Variants in NIN observed in about 807,000 individuals in gnomAD.
NIN encodes glycogen synthase kinase 3 beta-interacting protein.
In NIN, 137 loss-of-function variants were observed where a neutral mutation model predicts 257.6. That is an observed-to-expected ratio of 0.53 (90% confidence interval 0.46 to 0.61). The LOEUF (loss-of-function observed/expected upper bound fraction) is 0.61, where lower values mean the gene tolerates loss of function less well. NIN is among the 20% of genes least tolerant of loss of function. NIN has a pLI of 0.00. For missense variants in NIN, 2,439 were observed against 2,501.2 expected (o/e 0.98, Z 0.53); for synonymous variants, 918 against 919.8 (o/e 1.00, Z 0.04).
At chr14:50,762,364 G>GCAT (rs2042306294) in intron 15 of NIN, among the ~76,000 whole-genome samples, 1 of 152,138 alleles carries the variant, frequency 6.6e-6, no homozygotes, top group Non-Finnish European at 1.5e-5. Flanking sequence ...GATGCCCTGA[G>GCAT]GAGTTAGCTT....
intron 29 of NIN, among the ~76,000 whole-genome samples, chr14:50,726,643 G>C (rs2040421905): frequency 6.6e-6 from 1 of 152,188 alleles, no homozygotes; most frequent in African/African-American, 2.4e-5. Flanking sequence ...CACACATCTG[G>C]ATTGGAGGAT....
rs61740039 is a variant in NIN at position 50,777,015 on chromosome 14, A to G, written c.600T>C (p.Gly200=). 2,823 of 1,614,214 alleles carry G rather than the reference A, an allele frequency of 1.7e-3. 39 individuals are homozygous for G. The African/African-American group carries it at 0.032, about 18-fold the overall frequency. ...VCEDLGITRD[G]HLNRKKLVSI... The stretch of plus-strand genomic sequence containing the variant: ...AGACCAGCTTCTTCCGGTTCAGGTG[A>G]CCATCACGGGTGATCCCCAAATCTT... The change falls in exon 7 of 31, where the codon GGT becomes GGC. Residue 200 remains glycine, a synonymous_variant. Coordinates refer to ENST00000530997, the MANE Select transcript of NIN (RefSeq NM_020921.4).
At chr14:50,739,220 G>C (rs2041151575) in intron 26 of NIN, 88 bp downstream of exon 26, 2 of 1,299,126 alleles carry the variant, frequency 1.5e-6, no homozygotes, top group Non-Finnish European at 2.2e-6. Flanking sequence ...CCATACCTTA[G>C]AACCATTCCA....
chr14:50,772,021 CACA>C (rs911255420), intron 9 of NIN: 233 of 250,712 alleles, frequency 9.3e-4, no homozygotes, highest in South Asian at 1.9e-3. Context: ...AAAAAAAAAA[CACA>C]ACAACAACAA....
intron 3 of NIN, among the ~76,000 whole-genome samples, chr14:50,809,091 C>T (rs907582766): frequency 3.3e-5 from 5 of 152,176 alleles, no homozygotes; most frequent in South Asian, 2.1e-4. Context: ...CATGGTGGTG[C>T]GCACCTGTAA....
rs147588852 is a variant in NIN, at chr14:50,824,500, G to A, written c.-21-2423C>T. Among the ~76,000 whole-genome samples, 640 of 152,308 alleles carry A rather than the reference G, an allele frequency of 4.2e-3. 2 individuals are homozygous for A. Among genetic ancestry groups the A allele is most frequent in the Non-Finnish European group, 7.2e-3 (489 of 68,036 alleles). On this transcript the variant is annotated intron_variant, in intron 2 of 30. Transcript: ENST00000530997. The stretch of plus-strand genomic sequence containing the variant: ...GAGATGTTACGCATGGTGACAAGTT[G>A]TCAGTGCTCATCTGGCACAGAAGGC...
chr14:50,729,873 G>A (rs1022000018), intron 28 of NIN, 150 bp from the exon 29 acceptor site: 7 of 550,500 alleles, frequency 1.3e-5, no homozygotes, highest in African/African-American at 1.9e-5. Context: ...ATATGGGCCC[G>A]AGGAATACAG....
intron 16 of NIN, 91 bp downstream of exon 16, chr14:50,761,699 C>G: frequency 6.8e-7 from 1 of 1,463,070 alleles, no homozygotes; most frequent in African/African-American, 1.4e-5. Context: ...ATGTGCTGCT[C>G]TATGAGAAAA....
At chr14:50,743,648 G>T in intron 23 of NIN, 119 bp from the exon 24 acceptor site, 1 of 611,636 alleles carries the variant, frequency 1.6e-6, no homozygotes, top group East Asian at 2.9e-5. Context: ...TAGGGGAGCA[G>T]GGCAAGGTCA....
At chr14:50,724,753 C>G (rs535506732) in intron 30 of NIN, among the ~76,000 whole-genome samples, 1 of 152,030 alleles carries the variant, frequency 6.6e-6, no homozygotes, top group African/African-American at 2.4e-5. Flanking sequence ...GTGGTCATAA[C>G]TCCATGATGT....
Position 50,766,854 on chromosome 14 carries a change from C to A in NIN, c.1471G>T (p.Ala491Ser). 6.2e-7 allele frequency: 1 copy of A among 1,613,898 alleles called. No individual in the cohort carries two copies. The highest frequency in any genetic ancestry group is 8.5e-7 in the Non-Finnish European group (1 of 1,179,934). Reference sequence around the variant, plus strand: ...TTCTCATATTCTGCCAACTTCTCTGCATTTTCTAGAAGCTCATTTTCCAGA... The same window carrying A: ...TTCTCATATTCTGCCAACTTCTCTGAATTTTCTAGAAGCTCATTTTCCAGA... Reference protein sequence around the residue: ...SRLENELLENAEKLAEYENLT... With the variant: ...SRLENELLENSEKLAEYENLT... Residue 491 changes from alanine to serine, a missense_variant, in exon 13 of 31, where the codon GCA becomes TCA. This residue lies in a region of NIN where 2,043 missense variants were observed against 2,050.2 expected (regional missense o/e 1.00). Coordinates refer to ENST00000530997, the MANE Select transcript of NIN (RefSeq NM_020921.4).
At chr14:50,803,311 C>A (rs1461238825) in intron 4 of NIN, among the ~76,000 whole-genome samples, 1 of 152,152 alleles carries the variant, frequency 6.6e-6, no homozygotes, top group Non-Finnish European at 1.5e-5. Context: ...TGAGATTGTG[C>A]CACTGCACTC....
intron 14 of NIN, among the ~76,000 whole-genome samples, chr14:50,764,981 T>C (rs901390613): frequency 7.0e-6 from 1 of 142,984 alleles, no homozygotes; most frequent in Non-Finnish European, 1.5e-5. Flanking sequence ...AGAAAACAAG[T>C]GGATGAGGCT....
At chr14:50,729,382 G>T (rs549233239) in intron 29 of NIN, 141 bp downstream of exon 29, 2 of 743,402 alleles carry the variant, frequency 2.7e-6, no homozygotes, top group African/African-American at 3.6e-5. Flanking sequence ...CGATCCTCCC[G>T]TCTCAGCCTC....
chr14:50,758,234 C>A lies in NIN; in HGVS notation c.2796G>T (p.Leu932=), dbSNP rs780186630. The A allele has an allele frequency of 6.2e-7, 1 of 1,614,200 alleles. No individual in the cohort carries two copies. The highest frequency in any genetic ancestry group is 2.2e-5 in the East Asian group (1 of 44,890). Reference sequence around the variant, plus strand: ...TCAGCTCAAGTATCTGGTCAGACAGCAGGCTTTGCTGGGTTTCAGATACAT... The same window carrying A: ...TCAGCTCAAGTATCTGGTCAGACAGAAGGCTTTGCTGGGTTTCAGATACAT... ...LRNVSETQQS[L]LSDQILELKS... Residue 932 remains leucine, a synonymous_variant, in exon 18 of 31, where the codon CTG becomes CTT. Coordinates refer to ENST00000530997, the MANE Select transcript of NIN (RefSeq NM_020921.4).
At chr14:50,820,481 G>T (rs1459951789) in intron 3 of NIN, among the ~76,000 whole-genome samples, 1 of 152,104 alleles carries the variant, frequency 6.6e-6, no homozygotes. Context: ...TCAGCCCATT[G>T]ATACTATCCT....
intron 28 of NIN, among the ~76,000 whole-genome samples, chr14:50,731,528 CAAAAA>C (rs34408175): frequency 2.1e-5 from 2 of 96,118 alleles, no homozygotes; most frequent in African/African-American, 8.4e-5. Flanking sequence ...GACTCCATCT[CAAAAA>C]AAAAAAAAAA....
chr14:50,770,492 T>C lies in NIN; in HGVS notation c.1330A>G (p.Ile444Val), dbSNP rs1380364999. ...CGCTGCTTGCCTGCCTGCTGCAGGATCTGCTCTCTCTCTTTTCGGAGTTCA... is the reference window on the plus strand; with the variant it reads ...CGCTGCTTGCCTGCCTGCTGCAGGACCTGCTCTCTCTCTTTTCGGAGTTCA... ...KNELRKEREQ[I>V]LQQAGKQRLE... The change falls in exon 12 of 31, where the codon ATC becomes GTC. Residue 444 changes from isoleucine to valine, a missense_variant. This residue lies in a region of NIN where 2,043 missense variants were observed against 2,050.2 expected (regional missense o/e 1.00). Transcript: ENST00000530997. The C allele has an allele frequency of 2.5e-6, 4 of 1,614,238 alleles. No homozygotes were observed. In the South Asian group the frequency reaches 4.4e-5, roughly 18 times the overall value.
intron 26 of NIN, 130 bp from the exon 27 acceptor site, chr14:50,738,416 A>T (rs1010047183): frequency 7.6e-6 from 6 of 784,974 alleles, no homozygotes; most frequent in African/African-American, 5.3e-5. Context: ...CAAGCCTGTA[A>T]ATACTTGAAG....
Sources: allele counts gnomAD v4.1 joint callset (sites outside exome capture counted in the v4.1 genomes callset), GRCh38; gene constraint gnomAD v4.1.1; regional missense constraint gnomAD v4.1.1; transcripts MANE v1.5; gene names NCBI Gene and HGNC (gene_info 2026-07-23, HGNC 2026-07-21).